Variants in GPC6 observed in about 807,000 individuals in gnomAD.
GPC6 encodes the protein glypican 6.
Under a neutral mutation model 55.2 loss-of-function variants are expected in GPC6, and 14 were observed. That is an observed-to-expected ratio of 0.25 (90% CI 0.17 to 0.40). GPC6 has a LOEUF of 0.40. GPC6 is among the 10% of genes least tolerant of loss of function. The pLI is 1.00. For missense variants in GPC6, 641 were observed against 708.5 expected (o/e 0.90, Z 1.08); for synonymous variants, 278 against 259.6 (o/e 1.07, Z -0.68).
At chr13:94,004,182 G>A (rs1444932902) in intron 3 of GPC6, among the ~76,000 whole-genome samples, 1 of 152,074 alleles carries the variant, frequency 6.6e-6, no homozygotes. Flanking sequence ...CTGCTTTGGA[G>A]AGGAAATTTT....
Position 94,405,678 on chromosome 13 carries a change from C to T in GPC6, c.*2461C>T, listed in dbSNP as rs1356870271. 1.3e-5 allele frequency: 2 copies of T among 152,112 alleles called. No individual in the cohort carries two copies. Among genetic ancestry groups the T allele is most frequent in the Non-Finnish European group, 2.9e-5 (2 of 68,000 alleles). The allele number at this position is 152,112 out of a possible 1,614,324, so 9.4% of individuals were successfully genotyped here. A position where few individuals can be genotyped will look rare whatever the true frequency, so the allele number is the denominator to read the frequency against. On this transcript the variant is annotated 3_prime_UTR_variant, in exon 9 of 9. Transcript: ENST00000377047. The stretch of plus-strand genomic sequence containing the variant: ...CACACAGTTAATATATAAACGCCTG[C>T]TTCATTTGTTTCAACACCTTCATTA...
At chr13:94,028,123 G>A (rs1882973318) in intron 4 of GPC6, among the ~76,000 whole-genome samples, 1 of 151,994 alleles carries the variant, frequency 6.6e-6, no homozygotes, top group African/African-American at 2.4e-5. Context: ...AAATAAGCTG[G>A]GCGTGGTAGC....
At chr13:93,234,700 G>C (rs1170505749) in intron 1 of GPC6, among the ~76,000 whole-genome samples, 1 of 151,984 alleles carries the variant, frequency 6.6e-6, no homozygotes, top group Admixed American at 6.6e-5. Flanking sequence ...GAGAGAGAGA[G>C]AGAGAGAGTG....
At chr13:94,358,272 G>A (rs1213479264) in intron 6 of GPC6, among the ~76,000 whole-genome samples, 19 of 139,674 alleles carry the variant, frequency 1.4e-4, no homozygotes, top group Non-Finnish European at 2.6e-4. Context: ...CTAGGCGACA[G>A]AGCAAGACTC....
intron 1 of GPC6, among the ~76,000 whole-genome samples, chr13:93,335,147 G>T (rs959752451): frequency 6.6e-6 from 1 of 152,128 alleles, no homozygotes; most frequent in African/African-American, 2.4e-5. Flanking sequence ...GAAGGCAGGT[G>T]TCTCTAGGTA....
chr13:94,226,006 A>T (rs1248107864), intron 4 of GPC6, among the ~76,000 whole-genome samples: 1 of 152,066 alleles, frequency 6.6e-6, no homozygotes, highest in Non-Finnish European at 1.5e-5. Flanking sequence ...CAGATTTCCC[A>T]TGGGTGACGG....
At chr13:93,521,601 TG>T (rs1160679519) in intron 1 of GPC6, among the ~76,000 whole-genome samples, 1 of 151,970 alleles carries the variant, frequency 6.6e-6, no homozygotes, top group Non-Finnish European at 1.5e-5. Context: ...GGGTGCCCCA[TG>T]GGCTTCCATG....
chr13:94,115,834 C>T (rs1054140512), intron 4 of GPC6, among the ~76,000 whole-genome samples: 1 of 152,034 alleles, frequency 6.6e-6, no homozygotes, highest in Non-Finnish European at 1.5e-5. Flanking sequence ...TTATAAATCA[C>T]ATTATAGTAA....
chr13:93,503,189 A>G (rs911025211), intron 1 of GPC6, among the ~76,000 whole-genome samples: 1 of 152,148 alleles, frequency 6.6e-6, no homozygotes, highest in East Asian at 1.9e-4. Context: ...CCATTTTATA[A>G]CAGGAAAGTT....
At chr13:93,912,631 T>C (rs966154350) in intron 3 of GPC6, among the ~76,000 whole-genome samples, 5 of 152,102 alleles carry the variant, frequency 3.3e-5, no homozygotes, top group African/African-American at 1.2e-4. Flanking sequence ...TAGTCCCAGC[T>C]ACTCGGGAGG....
At chr13:94,166,344 T>C (rs1052751033) in intron 4 of GPC6, among the ~76,000 whole-genome samples, 8 of 152,372 alleles carry the variant, frequency 5.3e-5, no homozygotes, top group African/African-American at 1.7e-4. Flanking sequence ...AGCTCTTATA[T>C]CGCATCCTGT....
chr13:93,649,671 C>G (rs1880327108), intron 2 of GPC6, among the ~76,000 whole-genome samples: 1 of 152,124 alleles, frequency 6.6e-6, no homozygotes, highest in Admixed American at 6.5e-5. Flanking sequence ...TTCTTTTTGG[C>G]TTTCTTCCTT....
intron 4 of GPC6, among the ~76,000 whole-genome samples, chr13:94,272,463 C>CTTTTTTTTTTTTTTTTTTTTTTTTT (rs555664508): frequency 4.7e-5 from 4 of 85,742 alleles, no homozygotes; most frequent in African/African-American, 5.6e-5. Flanking sequence ...CTTTTCTTTT[C>CTTTTTTTTTTTTTTTTTTTTTTTTT]TTTTTTTTTT....
At chr13:93,322,291 T>C (rs1284426348) in intron 1 of GPC6, among the ~76,000 whole-genome samples, 1 of 152,144 alleles carries the variant, frequency 6.6e-6, no homozygotes, top group East Asian at 1.9e-4. Context: ...TGATCCTCTC[T>C]CTCTTTGTTC....
intron 1 of GPC6, among the ~76,000 whole-genome samples, chr13:93,358,317 G>A (rs1880923839): frequency 6.6e-6 from 1 of 152,152 alleles, no homozygotes; most frequent in Non-Finnish European, 1.5e-5. Flanking sequence ...TCCAGCCTGG[G>A]CGACAGAGTA....
chr13:93,885,765 T>C (rs1875286933), intron 3 of GPC6, among the ~76,000 whole-genome samples: 2 of 152,184 alleles, frequency 1.3e-5, no homozygotes, highest in Admixed American at 1.3e-4. Context: ...GGGCTTTCAT[T>C]TCTATTTCAT....
chr13:93,300,720 A>G (rs1878647872), intron 1 of GPC6, among the ~76,000 whole-genome samples: 2 of 148,542 alleles, frequency 1.3e-5, no homozygotes, highest in African/African-American at 5.0e-5. Context: ...TTTCCTTTAT[A>G]TAGAATTTAA....
rs191711675 is a variant in GPC6 at position 93,597,635 on chromosome 13, C to A, written c.319+52214C>A. Among the ~76,000 whole-genome samples the A allele has an allele frequency of 1.5e-3, 232 of 152,268 alleles. 1 individual carries two copies. The highest frequency in any genetic ancestry group is 5.4e-3 in the African/African-American group (223 of 41,546). ...CCCTCTTCTTGCCTCTCCTTAGCCT[C>A]CTCAGCGTGAAGACCTTTATGACTG... On this transcript the variant is annotated intron_variant, in intron 2 of 8. Transcript: ENST00000377047.
chr13:93,625,128 C>G (rs543984109), intron 2 of GPC6, among the ~76,000 whole-genome samples: 8 of 151,824 alleles, frequency 5.3e-5, no homozygotes, highest in African/African-American at 1.9e-4. Flanking sequence ...ATAGTGTCTA[C>G]CAGTGTTGAA....
Sources: allele counts gnomAD v4.1 joint callset (sites outside exome capture counted in the v4.1 genomes callset), GRCh38; gene constraint gnomAD v4.1.1; transcripts MANE v1.5; gene names NCBI Gene and HGNC (gene_info 2026-07-23, HGNC 2026-07-21).